SP140: variants seen among roughly 807,000 people sequenced by gnomAD.
The protein encoded by SP140 is nuclear body protein SP140.
SP140 carries 81 observed loss-of-function variants against 125.0 expected under a neutral mutation model. That is an observed-to-expected ratio of 0.65 (90% CI 0.54 to 0.78). SP140 has a LOEUF of 0.78. Among genes scored for constraint, SP140 ranks in the 30% least tolerant of loss-of-function variants. The probability of loss-of-function intolerance (pLI) is 0.00; values close to 1 mark genes in which losing one functional copy is unlikely to be tolerated. For missense variants in SP140, 858 were observed against 1,037.0 expected (o/e 0.83, Z 2.37); for synonymous variants, 312 against 354.0 (o/e 0.88, Z 1.33).
At chr2:230,240,453 C>G (rs1233376570) in intron 3 of SP140, among the ~76,000 whole-genome samples, 2 of 152,038 alleles carry the variant, frequency 1.3e-5, no homozygotes, top group Admixed American at 1.3e-4. Context: ...ATGAAGAACT[C>G]CTATAAATGA....
intron 18 of SP140, chr2:230,288,218 T>C (rs1418526464): frequency 2.3e-5 from 9 of 396,230 alleles, no homozygotes; most frequent in Non-Finnish European, 1.8e-5. Flanking sequence ...AAATGATAAA[T>C]TTCAAGGCTG....
intron 1 of SP140, chr2:230,234,790 G>C (rs536677209): frequency 6.6e-6 from 1 of 152,082 alleles, no homozygotes; most frequent in African/African-American, 2.4e-5. Flanking sequence ...TTTCTTTTCT[G>C]CATGGAATTT....
rs1331247059 is a variant in SP140, at chr2:230,212,970, G to C, written c.-322-684G>C. On this transcript the variant is annotated intron_variant, in intron 1 of 4. Transcript: ENST00000456542. ...GAGGGAGCTTCCTTCTGCTAGGCCAGTTGGGGCTTCAAGTAGGATTGGTGT... is the reference window on the plus strand; with the variant it reads ...GAGGGAGCTTCCTTCTGCTAGGCCACTTGGGGCTTCAAGTAGGATTGGTGT... The C allele has an allele frequency of 6.2e-7, 1 of 1,614,112 alleles. No individual in the cohort carries two copies. The highest frequency in any genetic ancestry group is 8.5e-7 in the Non-Finnish European group (1 of 1,179,998).
intron 1 of SP140, among the ~76,000 whole-genome samples, chr2:230,233,728 TAGCC>T (rs2047583406): frequency 6.6e-6 from 1 of 152,244 alleles, no homozygotes; most frequent in African/African-American, 2.4e-5. Context: ...AGAAATAAAT[TAGCC>T]AGAGGATTAG....
intron 1 of SP140, among the ~76,000 whole-genome samples, chr2:230,207,389 T>G (rs1362149458): frequency 1.3e-5 from 2 of 152,138 alleles, no homozygotes; most frequent in African/African-American, 4.8e-5. Context: ...CCAGATACCT[T>G]GTGTTCCTGC....
intron 1 of SP140, among the ~76,000 whole-genome samples, chr2:230,203,915 G>C (rs1459667872): frequency 6.6e-6 from 1 of 152,176 alleles, no homozygotes; most frequent in South Asian, 2.1e-4. Flanking sequence ...GAGATGGATG[G>C]TGGTGATGGT....
intron 14 of SP140, 105 bp downstream of exon 14, chr2:230,270,058 G>T (rs987375974): frequency 9.5e-6 from 7 of 739,792 alleles, no homozygotes; most frequent in African/African-American, 8.8e-5. Context: ...TCTATTCTCC[G>T]CATTTGCTTG....
At chr2:230,264,949 G>A (rs2052834208) in intron 12 of SP140, among the ~76,000 whole-genome samples, 1 of 152,174 alleles carries the variant, frequency 6.6e-6, no homozygotes, top group South Asian at 2.1e-4. Context: ...TTGGCCTCTT[G>A]CCAGGAGGTG....
intron 1 of SP140, among the ~76,000 whole-genome samples, chr2:230,204,161 T>C (rs2043494981): frequency 6.6e-6 from 1 of 152,256 alleles, no homozygotes; most frequent in Non-Finnish European, 1.5e-5. Context: ...GACTGGAGTC[T>C]ACTCCTTTCG....
intron 3 of SP140, chr2:230,239,149 T>C (rs2048371665): frequency 2.4e-6 from 2 of 849,136 alleles, no homozygotes; most frequent in Non-Finnish European, 3.2e-6. Flanking sequence ...AAAAAAGAGG[T>C]ATCTTGTTTT....
chr2:230,215,216 C>T (rs561150915), intron 3 of SP140: 1 of 957,974 alleles, frequency 1.0e-6, no homozygotes, highest in Admixed American at 2.1e-5. Flanking sequence ...CTACCTTACT[C>T]TTTTAAGAAG....
intron 22 of SP140, among the ~76,000 whole-genome samples, chr2:230,298,627 A>G (rs1559357813): frequency 2.0e-5 from 3 of 152,102 alleles, no homozygotes; most frequent in Non-Finnish European, 4.4e-5. Flanking sequence ...CCTGTTAATA[A>G]TTTTTCCAAG....
chr2:230,244,044 AC>A (rs2149161908), intron 5 of SP140, among the ~76,000 whole-genome samples: 1 of 152,286 alleles, frequency 6.6e-6, no homozygotes, highest in African/African-American at 2.4e-5. Context: ...GATTATACCT[AC>A]CCACCACTTA....
intron 1 of SP140, among the ~76,000 whole-genome samples, chr2:230,226,677 G>A (rs1051335837): frequency 3.3e-5 from 5 of 149,906 alleles, no homozygotes; most frequent in Non-Finnish European, 7.4e-5. Context: ...CAGGATAATC[G>A]CTTGAACCAG....
chr2:230,289,938 C>T lies in SP140; in HGVS notation c.1721-522C>T, dbSNP rs529935698. 1.1e-4 allele frequency among the ~76,000 whole-genome samples: 17 copies of T among 152,206 alleles called. No homozygotes were observed. In the South Asian group the frequency reaches 2.3e-3, roughly 20 times the overall value. ...GCTCCCTGAGCTCTTCTCTTAGCTA[C>T]GGGGAAAGCAGACAGGACAGAGAAA... On this transcript the variant is annotated intron_variant, in intron 18 of 26. Transcript: ENST00000392045.
intron 3 of SP140, among the ~76,000 whole-genome samples, chr2:230,218,626 C>G (rs1459036325): frequency 1.3e-5 from 2 of 152,148 alleles, no homozygotes; most frequent in Non-Finnish European, 2.9e-5. Context: ...CTTCCTCATT[C>G]TTCATCTGTC....
chr2:230,309,808 A>G, intron 22 of SP140, 116 bp from the exon 23 acceptor site: 1 of 966,640 alleles, frequency 1.0e-6, no homozygotes, highest in Non-Finnish European at 1.6e-6. Flanking sequence ...TCCCAGGGAG[A>G]AGCATTTGCC....
At chr2:230,213,039 G>A in intron 1 of SP140, 2 of 1,613,516 alleles carry the variant, frequency 1.2e-6, no homozygotes, top group Non-Finnish European at 8.5e-7. Flanking sequence ...TGGGATTGGT[G>A]AAGGGACACA....
chr2:230,283,407 T>C (rs2055895304), intron 15 of SP140, among the ~76,000 whole-genome samples: 1 of 152,178 alleles, frequency 6.6e-6, no homozygotes, highest in East Asian at 1.9e-4. Context: ...GAAAAGCATT[T>C]TATAAAATGT....
Sources: gnomAD v4.1 joint callset for allele counts (sites outside exome capture counted in the v4.1 genomes callset) on GRCh38, gnomAD v4.1.1 for gene constraint, MANE v1.5 for transcripts, NCBI Gene and HGNC (gene_info 2026-07-23, HGNC 2026-07-21) for gene names.